DNAJA1: variants seen among roughly 807,000 people sequenced by gnomAD.
DNAJA1 encodes DnaJ heat shock protein family (Hsp40) member A1, also known as dnaJ homolog subfamily A member 1.
A neutral mutation model predicts 47.6 loss-of-function variants in DNAJA1; 26 were observed. That is an observed-to-expected ratio of 0.55 (90% CI 0.40 to 0.76). DNAJA1 has a LOEUF of 0.76. DNAJA1 is among the 30% of genes least tolerant of loss of function. The pLI is 0.00. For synonymous variants in DNAJA1, 165 were observed against 158.4 expected (o/e 1.04, Z -0.31); for missense variants, 315 against 485.0 (o/e 0.65, Z 3.29).
rs1839071518 is a variant in DNAJA1, at chr9:33,038,701, A to G, written c.992A>G (p.Asn331Ser). The G allele has an allele frequency of 2.5e-6, 4 of 1,613,862 alleles. No individual in the cohort carries two copies. The East Asian group carries it at 8.9e-5, about 36-fold the overall frequency. The change falls in exon 9 of 9, where the codon AAT (asparagine) becomes AGT (serine). Residue 331 changes from asparagine (N) to serine (S), a missense_variant. Transcript: ENST00000330899. The stretch of plus-strand genomic sequence containing the variant: ...CTTTTGAAGGTAAACTTTCCTGAGA[A>G]TGGCTTTCTCTCTCCTGATAAACTG... ...IIEFKVNFPE[N>S]GFLSPDKLSL...
intron 3 of DNAJA1, among the ~76,000 whole-genome samples, chr9:33,028,471 T>A (rs1838909293): frequency 6.6e-6 from 1 of 152,260 alleles, no homozygotes; most frequent in Non-Finnish European, 1.5e-5. Flanking sequence ...CACTTTGAGC[T>A]TCTTAAGGTT....
chr9:33,038,435 A>G (rs1433215837), intron 8 of DNAJA1, among the ~76,000 whole-genome samples: 1 of 152,180 alleles, frequency 6.6e-6, no homozygotes, highest in African/African-American at 2.4e-5. Flanking sequence ...GGATAGAACA[A>G]TGGTTGTTAA....
intron 5 of DNAJA1, among the ~76,000 whole-genome samples, chr9:33,032,384 G>A (rs1838974835): frequency 6.6e-6 from 1 of 152,222 alleles, no homozygotes; most frequent in Non-Finnish European, 1.5e-5. Context: ...AGCATACAGA[G>A]TAAGTCTTAA....
intron 4 of DNAJA1, 23 bp downstream of exon 4, chr9:33,030,012 TTTG>T (rs1240763655): frequency 6.9e-6 from 11 of 1,601,208 alleles, no homozygotes; most frequent in Non-Finnish European, 9.4e-6. Flanking sequence ...TTTGTTTTGT[TTTG>T]TTTTGTTTTT....
At chr9:33,036,457 G>A in intron 6 of DNAJA1, 117 bp from the exon 7 acceptor site, 4 of 596,784 alleles carry the variant, frequency 6.7e-6, no homozygotes, top group Non-Finnish European at 1.2e-5. Flanking sequence ...AATGGGGGAA[G>A]AAAAGGGTGT....
intron 8 of DNAJA1, 111 bp from the exon 9 acceptor site, chr9:33,038,574 T>C: frequency 1.0e-6 from 1 of 954,692 alleles, no homozygotes; most frequent in Non-Finnish European, 1.5e-6. Flanking sequence ...GATTGGCAGA[T>C]TCACCTAAAT....
Position 33,030,626 on chromosome 9 carries a change from T to C in DNAJA1, c.602T>C (p.Ile201Thr), listed in dbSNP as rs758663767. ...TGTAAAAGCTGCAACGGAAGGAAGA[T>C]AGTTCGAGAGAAGAAAATTTTAGAA... ...DRCKSCNGRK[I>T]VREKKILEVH... is the part of the protein sequence containing the mutation. Residue 201 changes from isoleucine to threonine, a missense_variant, in exon 5 of 9, where the codon ATA becomes ACA. Ile to Thr is a moderately conservative substitution (Grantham distance 89, BLOSUM62 -1). Coordinates refer to ENST00000330899, the MANE Select transcript of DNAJA1 (RefSeq NM_001539.4). 13 of 1,613,850 alleles carry C rather than the reference T, an allele frequency of 8.1e-6. No homozygotes were observed. Among genetic ancestry groups the C allele is most frequent in the Middle Eastern group, 1.6e-4 (1 of 6,084 alleles).
intron 3 of DNAJA1, 38 bp from the exon 4 acceptor site, chr9:33,029,847 T>C: frequency 6.5e-7 from 1 of 1,532,424 alleles, no homozygotes; most frequent in African/African-American, 1.4e-5. Flanking sequence ...AGATCCAGCA[T>C]CTTAAACAGA....
Position 33,038,840 on chromosome 9 carries a change from T to C in DNAJA1, c.1131T>C (p.Asn377=), listed in dbSNP as rs1178962074. 6.2e-7 allele frequency: 1 copy of C among 1,614,000 alleles called. No homozygotes were observed. Among genetic ancestry groups the C allele is most frequent in the Admixed American group, 1.7e-5 (1 of 60,010 alleles). The change falls in exon 9 of 9, where the codon AAT becomes AAC. Residue 377 remains asparagine, a synonymous_variant. Coordinates refer to ENST00000330899, the MANE Select transcript of DNAJA1 (RefSeq NM_001539.4). ...DPNQERRRHY[N]GEAYEDDEHH... is the part of the protein sequence containing the mutation. ...ATCAGGAAAGACGGCGCCACTACAATGGAGAAGCATATGAGGATGATGAAC... is the reference window on the plus strand; with the variant it reads ...ATCAGGAAAGACGGCGCCACTACAACGGAGAAGCATATGAGGATGATGAAC...
chr9:33,037,005 A>G lies in DNAJA1; in HGVS notation c.875-10A>G, dbSNP rs1038769110. 2.5e-6 allele frequency: 4 copies of G among 1,603,662 alleles called. No homozygotes were observed. The highest frequency in any genetic ancestry group is 1.3e-5 in the African/African-American group (1 of 74,422). ...ATACTTAAGGAAGAACTTGGCTTCA[A>G]TGTTTTTAGGTCAGATTGTCAAGCA... On this transcript the variant is annotated splice_polypyrimidine_tract_variant and intron_variant, in intron 7 of 8. Transcript: ENST00000330899.
intron 8 of DNAJA1, among the ~76,000 whole-genome samples, chr9:33,038,177 A>G (rs1224781001): frequency 1.3e-5 from 2 of 151,846 alleles, no homozygotes; most frequent in Non-Finnish European, 2.9e-5. Flanking sequence ...GCTTTTTAGT[A>G]GAGATGGGGT....
chr9:33,025,608 C>G (rs1488856610), intron 1 of DNAJA1, among the ~76,000 whole-genome samples: 1 of 152,202 alleles, frequency 6.6e-6, no homozygotes, highest in Non-Finnish European at 1.5e-5. Context: ...CCCTCCTTCC[C>G]CAGCCTGGGA....
Position 33,039,010 on chromosome 9 carries a change from A to G in DNAJA1, c.*107A>G. 9.1e-7 allele frequency: 1 copy of G among 1,099,616 alleles called. No homozygotes were observed. 68.1% of individuals were successfully genotyped at this position (1,099,616 alleles called of 1,614,324 possible). A position where few individuals can be genotyped will look rare whatever the true frequency, so the allele number is the denominator to read the frequency against. Reference sequence around the variant, plus strand: ...TACTTGCTCTTGTTTTTGTTTTAATAAACTATAGTAGTGTTTTAAAAAGTT... The same window carrying G: ...TACTTGCTCTTGTTTTTGTTTTAATGAACTATAGTAGTGTTTTAAAAAGTT... On this transcript the variant is annotated 3_prime_UTR_variant, in exon 9 of 9. Coordinates refer to ENST00000330899, the MANE Select transcript of DNAJA1 (RefSeq NM_001539.4).
chr9:33,036,867 A>G, intron 7 of DNAJA1, 148 bp from the exon 8 acceptor site: 1 of 830,180 alleles, frequency 1.2e-6, no homozygotes, highest in South Asian at 1.8e-5. Flanking sequence ...CAGCCCTTGG[A>G]AAACCCATAA....
chr9:33,027,117 T>G, intron 3 of DNAJA1, 127 bp downstream of exon 3: 2 of 1,142,500 alleles, frequency 1.8e-6, no homozygotes, highest in South Asian at 3.0e-5. Flanking sequence ...GACCACAAAT[T>G]GCCTCTGATT....
chr9:33,025,413 T>TC (rs1282945441), intron 1 of DNAJA1, 30 bp downstream of exon 1: 1 of 152,254 alleles, frequency 6.6e-6, no homozygotes, highest in African/African-American at 2.4e-5. Flanking sequence ...CTGCCCCTAG[T>TC]CCCCTGGCTG....
intron 4 of DNAJA1, 89 bp from the exon 5 acceptor site, chr9:33,030,351 G>C: frequency 7.9e-7 from 1 of 1,270,308 alleles, no homozygotes; most frequent in South Asian, 1.4e-5. Context: ...AATATTAAAA[G>C]TATAGCATTT....
At position 33,033,504 on chromosome 9, in the gene DNAJA1, C is replaced by G. The variant is rs1452133037; in HGVS notation, c.644-712C>G. Among the ~76,000 whole-genome samples, 4 of 151,816 alleles carry G rather than the reference C, an allele frequency of 2.6e-5. No homozygotes were observed. In the East Asian group the frequency reaches 5.8e-4, roughly 22 times the overall value. ...CTTGAGCCCAGTAGTTCAAGACCAGCCTGAGCGACATGAGAACCCCCATCT... is the reference window on the plus strand; with the variant it reads ...CTTGAGCCCAGTAGTTCAAGACCAGGCTGAGCGACATGAGAACCCCCATCT... On this transcript the variant is annotated intron_variant, in intron 5 of 8. Coordinates refer to ENST00000330899, the MANE Select transcript of DNAJA1 (RefSeq NM_001539.4).
intron 5 of DNAJA1, among the ~76,000 whole-genome samples, chr9:33,033,063 AAC>A (rs1344512344): frequency 6.6e-6 from 1 of 152,140 alleles, no homozygotes; most frequent in Non-Finnish European, 1.5e-5. Flanking sequence ...ATACTCTACA[AAC>A]ACAGGTTTTC....
Sources: allele counts gnomAD v4.1 joint callset (sites outside exome capture counted in the v4.1 genomes callset), GRCh38; gene constraint gnomAD v4.1.1; transcripts MANE v1.5; gene names NCBI Gene and HGNC (gene_info 2026-07-23, HGNC 2026-07-21).